IFT52: variants seen among roughly 807,000 people sequenced by gnomAD.
IFT52 encodes intraflagellar transport 52, also known as intraflagellar transport protein 52 homolog.
Under a neutral mutation model 54.4 loss-of-function variants are expected in IFT52, and 44 were observed. The observed-to-expected ratio is 0.81, with a 90% CI of 0.63 to 1.04. IFT52 has a LOEUF of 1.04. Ranked by LOEUF, IFT52 falls within the 50% of genes least tolerant of loss-of-function variation. The pLI, the probability that IFT52 is intolerant of heterozygous loss-of-function variation, is 0.00. For synonymous variants in IFT52, 181 were observed against 185.3 expected (o/e 0.98, Z 0.19); for missense variants, 452 against 523.6 (o/e 0.86, Z 1.33).
At position 43,637,168 on chromosome 20, in the gene IFT52, G is replaced by C. The variant is rs1463335991; in HGVS notation, c.1035G>C (p.Glu345Asp). 3 of 1,612,348 alleles carry C rather than the reference G, an allele frequency of 1.9e-6. No individual in the cohort carries two copies. Among genetic ancestry groups the C allele is most frequent in the African/African-American group, 1.3e-5 (1 of 74,904 alleles). ...QPAVFPPSFR[E>D]LPPPPLELFD... The stretch of plus-strand genomic sequence containing the variant: ...AGGTTTTTCCTCCCAGTTTCCGGGA[G>C]TTACCACCTCCTCCTCTGGAGCTAT... The change falls in exon 12 of 14, where the codon GAG becomes GAC. Residue 345 changes from glutamate (E) to aspartate (D), a missense_variant. Glu to Asp is a conservative substitution (Grantham distance 45). Transcript: ENST00000373030.
chr20:43,624,914 C>G (rs914460486), intron 10 of IFT52, among the ~76,000 whole-genome samples: 6 of 152,064 alleles, frequency 3.9e-5, no homozygotes, highest in African/African-American at 1.4e-4. Flanking sequence ...GACCCAGAGC[C>G]CAGCACATCC....
At chr20:43,602,140 TTATTTTA>T (rs1337229470) in intron 3 of IFT52, among the ~76,000 whole-genome samples, 56 of 14,598 alleles carry the variant, frequency 3.8e-3, no homozygotes, top group Middle Eastern at 0.029. Flanking sequence ...GAGCTGATTT[TTATTTTA>T]TTTATTTATT....
At chr20:43,607,098 G>A (rs1396385917) in intron 6 of IFT52, among the ~76,000 whole-genome samples, 1 of 152,200 alleles carries the variant, frequency 6.6e-6, no homozygotes, top group East Asian at 1.9e-4. Context: ...GAGCTGTTGG[G>A]TACACCTCCC....
At chr20:43,604,805 A>T (rs555702375) in intron 5 of IFT52, among the ~76,000 whole-genome samples, 197 bp from the exon 6 acceptor site, 15 of 151,836 alleles carry the variant, frequency 9.9e-5, no homozygotes, top group Non-Finnish European at 1.8e-4. Context: ...GTTTATATAT[A>T]TATGTATTTT....
intron 9 of IFT52, among the ~76,000 whole-genome samples, chr20:43,623,425 G>A (rs1046562678): frequency 2.0e-5 from 3 of 152,118 alleles, no homozygotes; most frequent in Admixed American, 6.6e-5. Flanking sequence ...GGGCTCAAGC[G>A]ATCCACTCAC....
At chr20:43,612,921 T>C (rs1346656162) in intron 6 of IFT52, among the ~76,000 whole-genome samples, 1 of 152,138 alleles carries the variant, frequency 6.6e-6, no homozygotes, top group Non-Finnish European at 1.5e-5. Context: ...CAGAGCTCCA[T>C]CTTTGAGTAA....
At chr20:43,613,820 A>T (rs1363830989) in intron 6 of IFT52, 30 bp from the exon 7 acceptor site, 3 of 1,594,916 alleles carry the variant, frequency 1.9e-6, no homozygotes, top group Non-Finnish European at 2.6e-6. Flanking sequence ...TGTTTTTAAA[A>T]TTTGAATGTG....
At chr20:43,636,196 G>T (rs1049609376) in intron 11 of IFT52, among the ~76,000 whole-genome samples, 183 bp downstream of exon 11, 2 of 152,168 alleles carry the variant, frequency 1.3e-5, no homozygotes, top group Non-Finnish European at 2.9e-5. Context: ...ACTTCCATGT[G>T]GTATGCTTCC....
At chr20:43,610,308 AC>A (rs1317324125) in intron 6 of IFT52, among the ~76,000 whole-genome samples, 35 of 64,794 alleles carry the variant, frequency 5.4e-4, no homozygotes, top group Non-Finnish European at 1.0e-3. Flanking sequence ...AAAAAAAAAA[AC>A]CTTAAAAAAA....
rs2145667885 is a variant in IFT52 at position 43,635,935 on chromosome 20, G to A, written c.933G>A (p.Glu311=). ...TTGATTATGAACACAGGGCTCACGA[G>A]CAGCTAAATGTGAAACATGAACCAC... is the stretch of plus-strand genomic sequence containing the variant. The part of the protein sequence containing the change: ...TSFHSVIEAH[E]QLNVKHEPLQ... The change falls in exon 11 of 14, where the codon GAG becomes GAA. Residue 311 remains glutamate (E), a synonymous_variant. Coordinates refer to ENST00000373030, the MANE Select transcript of IFT52 (RefSeq NM_016004.5). 5 of 1,614,122 alleles carry A rather than the reference G, an allele frequency of 3.1e-6. No homozygotes were observed. Among genetic ancestry groups the A allele is most frequent in the Non-Finnish European group, 4.2e-6 (5 of 1,180,002 alleles).
At chr20:43,641,039 A>G (rs2145678193) in intron 12 of IFT52, among the ~76,000 whole-genome samples, 1 of 150,660 alleles carries the variant, frequency 6.6e-6, no homozygotes, top group South Asian at 2.1e-4. Context: ...TCAAAAAAAA[A>G]AAAAAAAAAA....
intron 10 of IFT52, among the ~76,000 whole-genome samples, chr20:43,626,667 A>G (rs148738353): frequency 1.1e-4 from 16 of 151,926 alleles, no homozygotes; most frequent in Non-Finnish European, 2.1e-4. Context: ...TATGAGTTTA[A>G]TTAGCATTTT....
At chr20:43,594,146 GA>G (rs983971305) in intron 1 of IFT52, among the ~76,000 whole-genome samples, 2 of 151,742 alleles carry the variant, frequency 1.3e-5, no homozygotes, top group Non-Finnish European at 2.9e-5. Flanking sequence ...CGTCTCTACT[GA>G]AAATACAAAA....
intron 9 of IFT52, among the ~76,000 whole-genome samples, chr20:43,622,684 ATTTTATGTAAATATAAATATATACATAT>A (rs1568767685): frequency 3.5e-4 from 48 of 136,418 alleles, no homozygotes; most frequent in Non-Finnish European, 5.4e-4. Flanking sequence ...ATATATACAT[ATTTTATGTAAATATAAATATATACATAT>A]TTTTATGTAA....
intron 6 of IFT52, among the ~76,000 whole-genome samples, chr20:43,607,214 T>C (rs1982979803): frequency 7.2e-6 from 1 of 138,806 alleles, no homozygotes; most frequent in Non-Finnish European, 1.5e-5. Context: ...GGCGGGGGGC[T>C]GACCCCCCCA....
chr20:43,599,315 A>C (rs1982244557), intron 3 of IFT52, among the ~76,000 whole-genome samples: 1 of 152,224 alleles, frequency 6.6e-6, no homozygotes, highest in Non-Finnish European at 1.5e-5. Context: ...AGAGAGGGTC[A>C]GAACCTGGTG....
At chr20:43,608,662 T>C (rs919457521) in intron 6 of IFT52, among the ~76,000 whole-genome samples, 4 of 152,144 alleles carry the variant, frequency 2.6e-5, no homozygotes, top group African/African-American at 9.7e-5. Flanking sequence ...CCCAACACTT[T>C]GGGAGGCTGA....
At chr20:43,621,801 C>T (rs1984321403) in intron 9 of IFT52, among the ~76,000 whole-genome samples, 1 of 152,200 alleles carries the variant, frequency 6.6e-6, no homozygotes, top group Admixed American at 6.5e-5. Context: ...ACACTAATAC[C>T]CGTGTTCTCT....
intron 3 of IFT52, among the ~76,000 whole-genome samples, chr20:43,602,138 T>TA (rs770823377): frequency 0.14 from 7,700 of 56,870 alleles, 616 homozygotes; most frequent in African/African-American, 0.35. Context: ...TTGAGCTGAT[T>TA]TTTATTTTAT....
Sources: gnomAD v4.1 joint callset for allele counts (sites outside exome capture counted in the v4.1 genomes callset) on GRCh38, gnomAD v4.1.1 for gene constraint, MANE v1.5 for transcripts, NCBI Gene and HGNC (gene_info 2026-07-23, HGNC 2026-07-21) for gene names.